Variants in ANKRD17 observed in about 807,000 individuals in gnomAD.
The protein encoded by ANKRD17 is ankyrin repeat domain 17.
ANKRD17 carries 19 observed loss-of-function variants against 229.7 expected under a neutral mutation model. The observed-to-expected ratio is 0.08, with a 90% CI of 0.06 to 0.12. ANKRD17 has a LOEUF of 0.12. Ranked by LOEUF, ANKRD17 falls within the 10% of genes least tolerant of loss-of-function variation. The pLI, the probability that ANKRD17 is intolerant of heterozygous loss-of-function variation, is 1.00. For missense variants in ANKRD17, 2,176 were observed against 3,176.8 expected (o/e 0.68, Z 7.57); for synonymous variants, 1,112 against 1,146.1 (o/e 0.97, Z 0.60).
intron 1 of ANKRD17, among the ~76,000 whole-genome samples, chr4:73,177,850 T>C (rs1205536823): frequency 3.3e-5 from 5 of 152,160 alleles, no homozygotes; most frequent in Non-Finnish European, 7.4e-5. Flanking sequence ...TGTGAAAACT[T>C]TAACTGTGAA....
chr4:73,173,236 T>A (rs547396055), intron 2 of ANKRD17, among the ~76,000 whole-genome samples: 1 of 152,248 alleles, frequency 6.6e-6, no homozygotes, highest in East Asian at 1.9e-4. Flanking sequence ...AAGGGGTCAA[T>A]TAAGCAACAG....
intron 20 of ANKRD17, 113 bp from the exon 21 acceptor site, chr4:73,120,450 C>T (rs1417174543): frequency 1.0e-6 from 1 of 961,804 alleles, no homozygotes; most frequent in Non-Finnish European, 1.5e-6. Flanking sequence ...CCAAGATTCA[C>T]AACTAAATTT....
chr4:73,118,045 G>A lies in ANKRD17; in HGVS notation c.4188+643C>T, dbSNP rs189581762. Among the ~76,000 whole-genome samples, 87 of 151,888 alleles carry A rather than the reference G, an allele frequency of 5.7e-4. 1 individual carries two copies. The highest frequency in any genetic ancestry group is 3.7e-3 in the Admixed American group (57 of 15,238). On this transcript the variant is annotated intron_variant, in intron 22 of 33. Transcript: ENST00000358602. Reference sequence around the variant, plus strand: ...AACAAATTTTTTTTGAGACGGGGTCGTACTCTTGTCACCCGGGCTGGAGTG... The same window carrying A: ...AACAAATTTTTTTTGAGACGGGGTCATACTCTTGTCACCCGGGCTGGAGTG...
At position 73,102,527 on chromosome 4, in the gene ANKRD17, C is replaced by T. The variant is rs1724134019; in HGVS notation, c.4422G>A (p.Arg1474=). Residue 1474 remains arginine (R), a synonymous_variant, in exon 25 of 34, where the codon AGG becomes AGA. Coordinates refer to ENST00000358602, the MANE Select transcript of ANKRD17 (RefSeq NM_032217.5). ...TTTCTCTTTTCGCAGCCAAAGCCAG[C>T]CTCCGACTTTCTTCCCTTAACTGTT... ...DLEKLREESR[R]LALAAKREKR... is the part of the protein sequence containing the mutation. 3 of 1,599,094 alleles carry T rather than the reference C, an allele frequency of 1.9e-6. No individual in the cohort carries two copies. Among genetic ancestry groups the T allele is most frequent in the Non-Finnish European group, 2.5e-6 (3 of 1,177,098 alleles).
intron 1 of ANKRD17, among the ~76,000 whole-genome samples, chr4:73,222,122 C>T (rs959743917): frequency 3.3e-5 from 5 of 152,074 alleles, no homozygotes; most frequent in African/African-American, 9.7e-5. Context: ...ATCTGAATTA[C>T]CCAGGTTTTA....
rs781321989 is a variant in ANKRD17, at chr4:73,177,472, T to C, written c.455A>G (p.Lys152Arg). The change falls in exon 2 of 34, where the codon AAG (lysine) becomes AGG (arginine). Residue 152 changes from lysine (K) to arginine (R), a missense_variant. By Grantham distance (26) the Lys-to-Arg change is conservative. Transcript: ENST00000358602. ...LENPMLETAS[K>R]LLLSGTADGA... ...ATCAGCAGTACCTGATAAGAGCAACTTGGAAGCTGTTTCCAGCATTGGATT... is the reference window on the plus strand; with the variant it reads ...ATCAGCAGTACCTGATAAGAGCAACCTGGAAGCTGTTTCCAGCATTGGATT... 1.9e-6 allele frequency: 3 copies of C among 1,613,800 alleles called. 1 individual carries two copies. In the South Asian group the frequency reaches 3.3e-5, roughly 18 times the overall value.
intron 1 of ANKRD17, among the ~76,000 whole-genome samples, chr4:73,241,998 G>A (rs1322126973): frequency 6.6e-6 from 1 of 152,122 alleles, no homozygotes; most frequent in African/African-American, 2.4e-5. Flanking sequence ...TTAAGAAAAA[G>A]TGATGTACCC....
chr4:73,222,371 T>C (rs997655080), intron 1 of ANKRD17, among the ~76,000 whole-genome samples: 8 of 152,196 alleles, frequency 5.3e-5, no homozygotes, highest in Non-Finnish European at 8.8e-5. Flanking sequence ...ATTCAAATTA[T>C]AGTAATTTTG....
chr4:73,246,803 A>C (rs763926101), intron 1 of ANKRD17, among the ~76,000 whole-genome samples: 1 of 152,136 alleles, frequency 6.6e-6, no homozygotes, highest in Non-Finnish European at 1.5e-5. Flanking sequence ...TTAAGAAGCA[A>C]GAATCAGTCA....
intron 10 of ANKRD17, 116 bp downstream of exon 10, chr4:73,146,648 A>C (rs1203316077): frequency 8.8e-6 from 7 of 796,592 alleles, no homozygotes; most frequent in Non-Finnish European, 1.3e-5. Flanking sequence ...AAAAAAATAA[A>C]AATAAAAAAA....
rs754939678 is a variant in ANKRD17 at position 73,091,238 on chromosome 4, G to A, written c.6390C>T (p.Pro2130=). 2.5e-6 allele frequency: 4 copies of A among 1,614,066 alleles called. No homozygotes were observed. In the East Asian group the frequency reaches 8.9e-5, roughly 36 times the overall value. Residue 2130 remains proline (P), a synonymous_variant, in exon 29 of 34, where the codon CCC becomes CCT. Transcript: ENST00000358602. ...GAGGAACAGTCATTCTAACTTCCGG[G>A]GGAGGAACCTGAGACTGCTGAAGAG... ...RPPLQQSQVP[P]PEVRMTVPPL...
chr4:73,084,074 G>C (rs1721852486), intron 30 of ANKRD17, among the ~76,000 whole-genome samples: 1 of 151,930 alleles, frequency 6.6e-6, no homozygotes, highest in Non-Finnish European at 1.5e-5. Context: ...ATTCTCTATT[G>C]CTGACTGATC....
At position 73,226,628 on chromosome 4, in the gene ANKRD17, C is replaced by G. The variant is rs181044754; in HGVS notation, c.393+31648G>C. On this transcript the variant is annotated intron_variant, in intron 1 of 33. Transcript: ENST00000358602. ...CAGGCTGGTCTTGAATTCCTGACCT[C>G]GTAATTCACCCGCCTCAGACTCCCA... Among the ~76,000 whole-genome samples, 354 of 149,502 alleles carry G rather than the reference C, an allele frequency of 2.4e-3. 3 individuals are homozygous for G. The highest frequency in any genetic ancestry group is 8.4e-3 in the African/African-American group (343 of 40,722).
chr4:73,193,795 G>A (rs1044400452), intron 1 of ANKRD17, among the ~76,000 whole-genome samples: 8 of 152,092 alleles, frequency 5.3e-5, no homozygotes, highest in Admixed American at 6.5e-5. Flanking sequence ...CTAGCCAGGC[G>A]TGGTGGTGCA....
Position 73,149,003 on chromosome 4 carries a change from T to C in ANKRD17, c.1377A>G (p.Gln459=), listed in dbSNP as rs765225635. ...CAAATGAATCAGCAGGCATGTTCAC[T>C]TGGGCACCGCTGTCAAGAAGTAACC... ...VARLLLDSGA[Q]VNMPADSFES... The change falls in exon 8 of 34, where the codon CAA becomes CAG. Residue 459 remains glutamine, a synonymous_variant. Coordinates refer to ENST00000358602, the MANE Select transcript of ANKRD17 (RefSeq NM_032217.5). 1.2e-6 allele frequency: 2 copies of C among 1,613,088 alleles called. No homozygotes were observed. The highest frequency in any genetic ancestry group is 4.5e-5 in the East Asian group (2 of 44,862).
At chr4:73,210,095 A>G (rs567088586) in intron 1 of ANKRD17, among the ~76,000 whole-genome samples, 2 of 152,294 alleles carry the variant, frequency 1.3e-5, no homozygotes, top group Admixed American at 6.5e-5. Flanking sequence ...ACTTAAGGCA[A>G]TAAGGTAGAA....
At chr4:73,214,820 GC>G (rs1422974496) in intron 1 of ANKRD17, among the ~76,000 whole-genome samples, 2 of 142,136 alleles carry the variant, frequency 1.4e-5, no homozygotes, top group Non-Finnish European at 3.0e-5. Flanking sequence ...GACCAACCTG[GC>G]CAACAGAGTG....
At chr4:73,214,996 T>G (rs971341494) in intron 1 of ANKRD17, among the ~76,000 whole-genome samples, 2 of 152,152 alleles carry the variant, frequency 1.3e-5, no homozygotes, top group African/African-American at 4.8e-5. Flanking sequence ...AAAACACTTG[T>G]GCAAACTGCA....
At chr4:73,226,277 ATT>A (rs1742486368) in intron 1 of ANKRD17, among the ~76,000 whole-genome samples, 1 of 151,638 alleles carries the variant, frequency 6.6e-6, no homozygotes, top group Non-Finnish European at 1.5e-5. Context: ...GCCCGCCAGC[ATT>A]TTTTGATTAA....
Sources: gnomAD v4.1 joint callset for allele counts (sites outside exome capture counted in the v4.1 genomes callset) on GRCh38, gnomAD v4.1.1 for gene constraint, MANE v1.5 for transcripts, NCBI Gene and HGNC (gene_info 2026-07-23, HGNC 2026-07-21) for gene names.